Variants in ANXA10 observed in about 807,000 individuals in gnomAD.
ANXA10 encodes annexin A10.
A neutral mutation model predicts 53.5 loss-of-function variants in ANXA10; 49 were observed. The ratio of observed to expected loss-of-function variants is 0.92; its 90% CI spans 0.73 to 1.16. The LOEUF is 1.16. Among genes scored for constraint, ANXA10 ranks in the 50% most tolerant of loss-of-function variants. The pLI is 0.00. For missense variants in ANXA10, 393 were observed against 394.4 expected (o/e 1.00, Z 0.03); for synonymous variants, 131 against 128.9 (o/e 1.02, Z -0.11).
chr4:168,108,672 T>C (rs558611186), intron 1 of ANXA10, among the ~76,000 whole-genome samples: 1 of 149,612 alleles, frequency 6.7e-6, no homozygotes, highest in East Asian at 1.9e-4. Context: ...CCCAATAAAC[T>C]CTGGGAGCGC....
In ANXA10 at chr4:168,128,349, G is replaced by T. The variant is rs567391696; in HGVS notation, c.100+184G>T. 4.0e-5 allele frequency among the ~76,000 whole-genome samples: 6 copies of T among 150,798 alleles called. No homozygotes were observed. In the South Asian group the frequency reaches 6.3e-4, roughly 16 times the overall value. On this transcript the variant is annotated intron_variant, in intron 2 of 11. Coordinates refer to ENST00000359299, the MANE Select transcript of ANXA10 (RefSeq NM_007193.5). ...AAAAATAATATAAAAAGACAATAAT[G>T]ATGAACAAATTTGCCTTTAGAAATT...
At chr4:168,160,143 C>T (rs1172827126) in intron 3 of ANXA10, among the ~76,000 whole-genome samples, 1 of 152,046 alleles carries the variant, frequency 6.6e-6, no homozygotes, top group Non-Finnish European at 1.5e-5. Flanking sequence ...GTTTGTTGCA[C>T]CTATCAACCT....
chr4:168,109,996 G>C, intron 1 of ANXA10, among the ~76,000 whole-genome samples: 1 of 152,168 alleles, frequency 6.6e-6, no homozygotes, highest in Non-Finnish European at 1.5e-5. Flanking sequence ...AGATCACGAG[G>C]TCAGGAGATC....
intron 2 of ANXA10, among the ~76,000 whole-genome samples, chr4:168,132,589 A>G (rs1285684828): frequency 2.0e-5 from 3 of 152,108 alleles, no homozygotes; most frequent in African/African-American, 7.2e-5. Context: ...GACTATAGTC[A>G]ATAATAACTG....
rs368739904 is a variant in ANXA10 at position 168,179,323 on chromosome 4, A to T, written c.724+11A>T. 2.6e-6 allele frequency: 4 copies of T among 1,562,858 alleles called. No homozygotes were observed. Among genetic ancestry groups the T allele is most frequent in the Non-Finnish European group, 3.5e-6 (4 of 1,137,202 alleles). On this transcript the variant is annotated intron_variant, in intron 9 of 11. Transcript: ENST00000359299. ...TGCTGGTTGCAATTGGTAAGTAATA[A>T]ATTATTTGAAGCACAACAGACATTT...
At chr4:168,101,501 G>T (rs1204842199) in intron 1 of ANXA10, among the ~76,000 whole-genome samples, 20 of 136,264 alleles carry the variant, frequency 1.5e-4, no homozygotes, top group East Asian at 5.1e-4. Flanking sequence ...GTTTTTTTTG[G>T]GGGGGAAGGG....
chr4:168,159,747 T>C (rs1203069430), intron 3 of ANXA10, among the ~76,000 whole-genome samples: 1 of 152,198 alleles, frequency 6.6e-6, no homozygotes, highest in Non-Finnish European at 1.5e-5. Context: ...ACTTCCAATA[T>C]TGGTATTTTG....
chr4:168,162,514 T>G lies in ANXA10; in HGVS notation c.196-14T>G, dbSNP rs759101033. The G allele has an allele frequency of 3.8e-6, 6 of 1,594,542 alleles. No individual in the cohort carries two copies. The Admixed American group carries it at 1.0e-4, about 27-fold the overall frequency. ...GGTAACATATAATAAATATATGTAC[T>G]TTTTCCTCCACAGGACCTGATTGGG... is the stretch of plus-strand genomic sequence containing the variant. On this transcript the variant is annotated splice_polypyrimidine_tract_variant and intron_variant, in intron 3 of 11. Transcript: ENST00000359299.
rs531054850 is a variant in ANXA10 at position 168,184,886 on chromosome 4, GGCTAAT to G, written c.906+208_906+213del. On this transcript the variant is annotated intron_variant, in intron 11 of 11. Transcript: ENST00000359299. Reference sequence around the variant, plus strand: ...ACCCTTTACCTCAGCTGGGCGTGGTGGCTAATGCCTGTAATCCCAGCACTTTGGGAG... The same window carrying G: ...ACCCTTTACCTCAGCTGGGCGTGGTGGCCTGTAATCCCAGCACTTTGGGAG... Among the ~76,000 whole-genome samples, 272 of 152,250 alleles carry G rather than the reference GGCTAAT, an allele frequency of 1.8e-3. 1 individual carries two copies. The highest frequency in any genetic ancestry group is 6.4e-3 in the African/African-American group (264 of 41,556).
intron 9 of ANXA10, among the ~76,000 whole-genome samples, chr4:168,181,307 C>T (rs1732238268): frequency 1.3e-5 from 2 of 149,064 alleles, no homozygotes; most frequent in East Asian, 2.0e-4. Flanking sequence ...AGGAGAATGG[C>T]GTGAACCCGG....
chr4:168,127,331 T>C (rs1430250529), intron 1 of ANXA10, among the ~76,000 whole-genome samples: 1 of 152,186 alleles, frequency 6.6e-6, no homozygotes. Context: ...TGAGCTTTGG[T>C]TAGATAATCT....
At chr4:168,173,098 T>A (rs1732047259) in intron 6 of ANXA10, among the ~76,000 whole-genome samples, 2 of 152,160 alleles carry the variant, frequency 1.3e-5, no homozygotes, top group Admixed American at 1.3e-4. Context: ...CCTGCCATAT[T>A]ATATAGATTG....
chr4:168,151,738 ATATT>A, intron 3 of ANXA10, among the ~76,000 whole-genome samples: 1 of 152,204 alleles, frequency 6.6e-6, no homozygotes, highest in African/African-American at 2.4e-5. Context: ...ATGTTATTCG[ATATT>A]TATCTTCCCA....
At position 168,168,708 on chromosome 4, in the gene ANXA10, C is replaced by T. The variant is rs548364144; in HGVS notation, c.480+3382C>T. ...TGCTGGGATTACAGGCGTGAGCCAC[C>T]GCGCCTGGCCAATCAGTGTATTTCA... On this transcript the variant is annotated intron_variant, in intron 6 of 11. Transcript: ENST00000359299. Among the ~76,000 whole-genome samples, 6 of 152,264 alleles carry T rather than the reference C, an allele frequency of 3.9e-5. No homozygotes were observed. In the East Asian group the frequency reaches 7.7e-4, roughly 20 times the overall value.
chr4:168,116,097 G>A (rs1267010408), intron 1 of ANXA10, among the ~76,000 whole-genome samples: 1 of 151,994 alleles, frequency 6.6e-6, no homozygotes, highest in Non-Finnish European at 1.5e-5. Context: ...CAAAAAAAAT[G>A]GAATGCCATG....
At chr4:168,179,762 A>G (rs1732204649) in intron 9 of ANXA10, among the ~76,000 whole-genome samples, 1 of 152,014 alleles carries the variant, frequency 6.6e-6, no homozygotes, top group Non-Finnish European at 1.5e-5. Flanking sequence ...ATCCTACCAT[A>G]AAAGAGATTT....
intron 1 of ANXA10, among the ~76,000 whole-genome samples, chr4:168,121,318 T>C (rs1730981854): frequency 6.6e-6 from 1 of 152,136 alleles, no homozygotes; most frequent in South Asian, 2.1e-4. Context: ...GTTAGACTTT[T>C]ATGATACAAT....
At chr4:168,108,750 C>T (rs948576793) in intron 1 of ANXA10, among the ~76,000 whole-genome samples, 2 of 152,110 alleles carry the variant, frequency 1.3e-5, no homozygotes, top group African/African-American at 2.4e-5. Context: ...TATGTAGCCA[C>T]GCAATCTGAG....
intron 1 of ANXA10, among the ~76,000 whole-genome samples, chr4:168,097,091 A>T (rs2149463427): frequency 6.6e-6 from 1 of 152,008 alleles, no homozygotes; most frequent in South Asian, 2.1e-4. Context: ...AGTAGATTGT[A>T]TCATGCAAAA....
Sources: allele counts gnomAD v4.1 joint callset (sites outside exome capture counted in the v4.1 genomes callset), GRCh38; gene constraint gnomAD v4.1.1; transcripts MANE v1.5; gene names NCBI Gene and HGNC (gene_info 2026-07-23, HGNC 2026-07-21).